PEX14: variants seen among roughly 807,000 people sequenced by gnomAD.
PEX14 encodes the protein peroxisomal biogenesis factor 14, also known as peroxisomal membrane protein PEX14.
PEX14 carries 15 observed loss-of-function variants against 49.5 expected under a neutral mutation model. The observed-to-expected ratio is 0.30, with a 90% CI of 0.20 to 0.47. The LOEUF (loss-of-function observed/expected upper bound fraction) is 0.47. Ranked by LOEUF, PEX14 falls within the 20% of genes least tolerant of loss-of-function variation. The pLI is 1.00. For synonymous variants in PEX14, 210 were observed against 212.7 expected (o/e 0.99, Z 0.11); for missense variants, 398 against 494.8 (o/e 0.80, Z 1.86).
intron 3 of PEX14, among the ~76,000 whole-genome samples, chr1:10,537,284 T>A (rs1638835626): frequency 7.5e-6 from 1 of 134,034 alleles, no homozygotes; most frequent in East Asian, 2.3e-4. Flanking sequence ...GCTGGGTCCC[T>A]GCGACAGAGT....
chr1:10,487,329 G>GTT (rs58538498), intron 1 of PEX14, among the ~76,000 whole-genome samples: 14 of 138,514 alleles, frequency 1.0e-4, no homozygotes, highest in African/African-American at 1.6e-4. Context: ...GAGTTTGGCA[G>GTT]TTTTTTTTTT....
chr1:10,629,449 T>C lies in PEX14; in HGVS notation c.678-82T>C. The C allele has an allele frequency of 1.1e-6, 1 of 952,176 alleles. No homozygotes were observed. The highest frequency in any genetic ancestry group is 1.7e-6 in the Non-Finnish European group (1 of 594,808). 59.0% of individuals were successfully genotyped at this position (952,176 alleles called of 1,614,324 possible). On this transcript the variant is annotated intron_variant, in intron 8 of 8. Coordinates refer to ENST00000356607, the MANE Select transcript of PEX14 (RefSeq NM_004565.3). The surrounding 1 kb of genome is among the most constrained non-coding windows in gnomAD (Gnocchi z 8.5). ...GAGCAGCTCACCATCGCCGAGCCCT[T>C]GCGGGTCAGGGAAGGCGTGGCCCTT...
chr1:10,477,905 T>G (rs1179241031), intron 1 of PEX14, among the ~76,000 whole-genome samples: 1 of 152,204 alleles, frequency 6.6e-6, no homozygotes, highest in Non-Finnish European at 1.5e-5. Context: ...TTATTTATTT[T>G]TGAGACCGAG....
At chr1:10,482,318 G>A (rs976805668) in intron 1 of PEX14, among the ~76,000 whole-genome samples, 2 of 151,650 alleles carry the variant, frequency 1.3e-5, no homozygotes, top group East Asian at 1.9e-4. Flanking sequence ...TAGTAGAGAC[G>A]GGGGATTCAC....
At chr1:10,624,556 G>A in intron 7 of PEX14, 119 bp downstream of exon 7, 3 of 741,970 alleles carry the variant, frequency 4.0e-6, no homozygotes, top group Non-Finnish European at 2.5e-6. Flanking sequence ...CAGTCTCACA[G>A]TGGTTACACA....
chr1:10,475,467 C>T (rs1043332894), intron 1 of PEX14, among the ~76,000 whole-genome samples: 2 of 152,180 alleles, frequency 1.3e-5, no homozygotes, highest in Non-Finnish European at 2.9e-5. Flanking sequence ...TCTGTGGTCA[C>T]CTTTGCGCTT....
chr1:10,606,503 G>A (rs72857087), intron 4 of PEX14, among the ~76,000 whole-genome samples: 1 of 151,426 alleles, frequency 6.6e-6, no homozygotes, highest in Non-Finnish European at 1.5e-5. Context: ...GGAGGTTTGA[G>A]TTCTGATAAA....
chr1:10,507,728 G>A (rs2124429364), intron 2 of PEX14, among the ~76,000 whole-genome samples: 1 of 152,282 alleles, frequency 6.6e-6, no homozygotes, highest in African/African-American at 2.4e-5. Context: ...GGTCTCCAGG[G>A]AGTCACTGGA....
At chr1:10,532,113 A>T (rs796646131) in intron 2 of PEX14, among the ~76,000 whole-genome samples, 2 of 152,136 alleles carry the variant, frequency 1.3e-5, no homozygotes, top group African/African-American at 4.8e-5. Flanking sequence ...CTCAAATACA[A>T]ATCTCTCTCA....
intron 3 of PEX14, among the ~76,000 whole-genome samples, chr1:10,598,437 A>C (rs1180919859): frequency 6.6e-6 from 1 of 152,180 alleles, no homozygotes; most frequent in Non-Finnish European, 1.5e-5. Flanking sequence ...TGCGGCCTTC[A>C]TGGGTTTTCA....
In PEX14 at chr1:10,597,326, A is replaced by T. The variant is rs529764059; in HGVS notation, c.170-1912A>T. ...CTTTCTTCTCTAATGGCTGATTATG[A>T]ACTGGTTAAAACAATGTCTTTCCCA... On this transcript the variant is annotated intron_variant, in intron 3 of 8. Transcript: ENST00000356607. The surrounding 1 kb of genome is among the most constrained non-coding windows in gnomAD (Gnocchi z 5.7). Among the ~76,000 whole-genome samples the T allele has an allele frequency of 5.1e-4, 77 of 152,332 alleles. No individual in the cohort carries two copies. Among genetic ancestry groups the T allele is most frequent in the African/African-American group, 1.7e-3 (70 of 41,566 alleles).
At chr1:10,531,125 G>A (rs1242343106) in intron 2 of PEX14, among the ~76,000 whole-genome samples, 3 of 152,118 alleles carry the variant, frequency 2.0e-5, no homozygotes, top group Admixed American at 1.3e-4. Flanking sequence ...GAATTATGTT[G>A]TCCTAGGACC....
chr1:10,610,834 T>C (rs1641259400), intron 4 of PEX14, among the ~76,000 whole-genome samples: 1 of 152,184 alleles, frequency 6.6e-6, no homozygotes, highest in African/African-American at 2.4e-5. Flanking sequence ...GAGCCACATA[T>C]CTCTGTCACA....
chr1:10,557,824 A>G (rs974036375), intron 3 of PEX14, among the ~76,000 whole-genome samples: 1 of 128,110 alleles, frequency 7.8e-6, no homozygotes, highest in Non-Finnish European at 1.7e-5. Flanking sequence ...GCATAGAACT[A>G]TTTGCCTACC....
At position 10,512,823 on chromosome 1, in the gene PEX14, G is replaced by T. The variant is rs1022442057; in HGVS notation, c.84+17502G>T. 6.6e-6 allele frequency among the ~76,000 whole-genome samples: 1 copy of T among 152,000 alleles called. No individual in the cohort carries two copies. Among genetic ancestry groups the T allele is most frequent in the South Asian group, 2.1e-4 (1 of 4,824 alleles). ...AAGCGATTCCCTGCCTCAGCCTCCT[G>T]AGTAGCTGGGACTACAGGCGTGTGC... On this transcript the variant is annotated intron_variant, in intron 2 of 8. Coordinates refer to ENST00000356607, the MANE Select transcript of PEX14 (RefSeq NM_004565.3). This position sits in a 1 kb window ranked among gnomAD's most constrained non-coding sequence, Gnocchi z 4.6.
intron 3 of PEX14, among the ~76,000 whole-genome samples, chr1:10,555,930 A>C (rs764846885): frequency 1.3e-5 from 2 of 152,132 alleles, no homozygotes; most frequent in Admixed American, 6.5e-5. Context: ...CACAAGCATT[A>C]GGGGAGGAAG....
At chr1:10,606,745 A>C (rs892730926) in intron 4 of PEX14, among the ~76,000 whole-genome samples, 2 of 152,232 alleles carry the variant, frequency 1.3e-5, no homozygotes, top group African/African-American at 2.4e-5. Context: ...TCTTGGTCCC[A>C]GCTGCAAGCT....
chr1:10,587,484 C>G (rs1025269545), intron 3 of PEX14, among the ~76,000 whole-genome samples: 2 of 152,034 alleles, frequency 1.3e-5, no homozygotes, highest in Non-Finnish European at 2.9e-5. Flanking sequence ...AATTTTTTAA[C>G]CTTTCAGAAT....
chr1:10,492,945 C>T (rs1641495945), intron 1 of PEX14, among the ~76,000 whole-genome samples: 1 of 152,144 alleles, frequency 6.6e-6, no homozygotes, highest in South Asian at 2.1e-4. Flanking sequence ...GAATGTGTCA[C>T]AGGGAGATCT....
Sources: gnomAD v4.1 joint callset for allele counts (sites outside exome capture counted in the v4.1 genomes callset) on GRCh38, gnomAD v4.1.1 for gene constraint, Gnocchi (gnomAD v3.1) non-coding constraint, MANE v1.5 for transcripts, NCBI Gene and HGNC (gene_info 2026-07-23, HGNC 2026-07-21) for gene names.